COPB2: variants seen among roughly 807,000 people sequenced by gnomAD.
COPB2 encodes the protein coat protein complex I subunit beta 2.
COPB2 carries 16 observed loss-of-function variants against 120.8 expected under a neutral mutation model. That is an observed-to-expected ratio of 0.13 (90% CI 0.09 to 0.20). The LOEUF is 0.20. COPB2 is among the 10% of genes least tolerant of loss of function. The pLI is 1.00. For missense variants in COPB2, 794 were observed against 1,076.5 expected (o/e 0.74, Z 3.67); for synonymous variants, 332 against 366.3 (o/e 0.91, Z 1.07).
Position 139,368,259 on chromosome 3 carries a change from G to C in COPB2, c.1431C>G (p.Val477=), listed in dbSNP as rs750780564. The C allele has an allele frequency of 2.7e-5, 43 of 1,612,506 alleles. No individual in the cohort carries two copies. The Admixed American group carries it at 4.9e-4, about 18-fold the overall frequency. The change falls in exon 13 of 22, where the codon GTC becomes GTG. Residue 477 remains valine (V), a synonymous_variant. Coordinates refer to ENST00000333188, the MANE Select transcript of COPB2 (RefSeq NM_004766.3). ...AAAATGATTCCTCAGTAGCAATACA[G>C]ACTAGCTCTCCAGAGTCAGACCAGA... ...HIFWSDSGEL[V]CIATEESFFI...
intron 9 of COPB2, among the ~76,000 whole-genome samples, 186 bp downstream of exon 9, chr3:139,373,027 C>T (rs1039929327): frequency 4.6e-5 from 7 of 152,154 alleles, no homozygotes; most frequent in Non-Finnish European, 8.8e-5. Context: ...AAACATGCTC[C>T]ATCTTTTGTG....
Position 139,379,479 on chromosome 3 carries a change from A to G in COPB2, c.142-13T>C. On this transcript the variant is annotated splice_polypyrimidine_tract_variant and intron_variant, in intron 2 of 21. Transcript: ENST00000333188. Reference sequence around the variant, plus strand: ...TCTTCACCAGTGTCTTTAAAATGTAACAAGAATACACAAATTGAGCTATAA... The same window carrying G: ...TCTTCACCAGTGTCTTTAAAATGTAGCAAGAATACACAAATTGAGCTATAA... The G allele has an allele frequency of 1.3e-6, 2 of 1,599,868 alleles. No individual in the cohort carries two copies. The highest frequency in any genetic ancestry group is 1.7e-6 in the Non-Finnish European group (2 of 1,168,962).
chr3:139,384,097 T>A (rs1159379672), intron 1 of COPB2, among the ~76,000 whole-genome samples: 3 of 152,186 alleles, frequency 2.0e-5, no homozygotes, highest in Non-Finnish European at 4.4e-5. Flanking sequence ...TTCTTCGAAA[T>A]TCGAGAAGTG....
chr3:139,369,550 A>G lies in COPB2; in HGVS notation c.1206-6T>C, dbSNP rs1258348596. ...TGCTCTCTCTTATTGCATACCTGGG[A>G]GAAAAAAGGGAAGGCAAACATAACA... On this transcript the variant is annotated splice_region_variant and splice_polypyrimidine_tract_variant and intron_variant, in intron 10 of 21. Transcript: ENST00000333188. The G allele has an allele frequency of 1.3e-6, 2 of 1,568,818 alleles. No individual in the cohort carries two copies. The highest frequency in any genetic ancestry group is 1.2e-5 in the South Asian group (1 of 86,166).
At chr3:139,380,021 T>TTTTTTTTTTTC (rs1941782110) in intron 2 of COPB2, 1 of 112,476 alleles carries the variant, frequency 8.9e-6, no homozygotes, top group Admixed American at 8.7e-5. Context: ...TTTTTTTTTT[T>TTTTTTTTTTTC]TTTTTGAGAC....
intron 17 of COPB2, among the ~76,000 whole-genome samples, chr3:139,360,517 CAA>C (rs11439096): frequency 6.8e-5 from 6 of 88,380 alleles, no homozygotes; most frequent in Middle Eastern, 5.0e-3. Context: ...GATTCCATCT[CAA>C]AAAAAAAAAA....
rs754623890 is a variant in COPB2 at position 139,361,110 on chromosome 3, C to T, written c.2181G>A (p.Val727=). 7 of 1,614,164 alleles carry T rather than the reference C, an allele frequency of 4.3e-6. No homozygotes were observed. Among genetic ancestry groups the T allele is most frequent in the Non-Finnish European group, 4.2e-6 (5 of 1,180,028 alleles). ...CCTGTAAAAAGTAGCTCATGAATGCCACATTATTTTTGCCATCTCTCTCCG... is the reference window on the plus strand; with the variant it reads ...CCTGTAAAAAGTAGCTCATGAATGCTACATTATTTTTGCCATCTCTCTCCG... The part of the protein sequence containing the change: ...EGAERDGKNN[V]AFMSYFLQGK... Residue 727 remains valine (V), a synonymous_variant, in exon 17 of 22, where the codon GTG becomes GTA. Transcript: ENST00000333188.
At chr3:139,371,894 G>A (rs7373116) in intron 9 of COPB2, 61 bp from the exon 10 acceptor site, 582,915 of 1,221,612 alleles carry the variant, frequency 0.48, 151,455 homozygotes, top group Non-Finnish European at 0.54. Context: ...AGAAGTTAAG[G>A]AACAATAATT....
chr3:139,387,557 T>C (rs1193477087), intron 1 of COPB2, among the ~76,000 whole-genome samples: 1 of 152,222 alleles, frequency 6.6e-6, no homozygotes, highest in East Asian at 1.9e-4. Flanking sequence ...TCATTTTAAC[T>C]GTTCATGGTA....
intron 12 of COPB2, among the ~76,000 whole-genome samples, chr3:139,368,762 G>A (rs757106069): frequency 6.6e-6 from 1 of 152,130 alleles, no homozygotes; most frequent in Non-Finnish European, 1.5e-5. Context: ...TACACCCACT[G>A]AGGATGCGTG....
rs1397092697 is a variant in COPB2 at position 139,373,604 on chromosome 3, AC to A, written c.894+61del. 6.8e-6 allele frequency: 11 copies of A among 1,606,902 alleles called. No individual in the cohort carries two copies. The African/African-American group carries it at 1.3e-4, about 20-fold the overall frequency. The stretch of plus-strand genomic sequence containing the variant: ...AACTGGTTACTTGGAAGATGACAGT[AC>A]TAAAATACAAAGAAAATGGTTTTGC... On this transcript the variant is annotated intron_variant, in intron 8 of 21. Coordinates refer to ENST00000333188, the MANE Select transcript of COPB2 (RefSeq NM_004766.3).
chr3:139,383,183 T>C (rs753263217), intron 2 of COPB2, 115 bp downstream of exon 2: 1 of 1,216,606 alleles, frequency 8.2e-7, no homozygotes, highest in African/African-American at 1.5e-5. Context: ...TGTACCAACT[T>C]GAGAAAGCAG....
At chr3:139,366,985 T>C in intron 14 of COPB2, 30 bp downstream of exon 14, 3 of 1,590,454 alleles carry the variant, frequency 1.9e-6, no homozygotes, top group African/African-American at 1.4e-5. Context: ...CTTTAAAATT[T>C]AGGACAAATG....
chr3:139,364,590 C>T (rs1014178210), intron 15 of COPB2, among the ~76,000 whole-genome samples: 1 of 152,174 alleles, frequency 6.6e-6, no homozygotes, highest in African/African-American at 2.4e-5. Context: ...CTTAAAAATA[C>T]TAAAATGTCA....
chr3:139,368,332 G>C, intron 12 of COPB2, 44 bp from the exon 13 acceptor site: 1 of 1,582,704 alleles, frequency 6.3e-7, no homozygotes, highest in Non-Finnish European at 8.6e-7. Flanking sequence ...GGATTTCTGA[G>C]TGGATATGAC....
At chr3:139,377,163 G>A (rs1941728948) in intron 5 of COPB2, among the ~76,000 whole-genome samples, 1 of 152,202 alleles carries the variant, frequency 6.6e-6, no homozygotes, top group Non-Finnish European at 1.5e-5. Context: ...GAATGGCTGG[G>A]GAAAGGGAGT....
chr3:139,360,161 G>T (rs1941384471), intron 17 of COPB2, among the ~76,000 whole-genome samples: 1 of 148,836 alleles, frequency 6.7e-6, no homozygotes, highest in African/African-American at 2.5e-5. Flanking sequence ...TGGGGTGCAC[G>T]TTCAAAGTTA....
At position 139,359,263 on chromosome 3, in the gene COPB2, T is replaced by C. The variant is rs1941364176; in HGVS notation, c.2303+7A>G. On this transcript the variant is annotated splice_region_variant and intron_variant, in intron 18 of 21. Transcript: ENST00000333188. ...AAACATTTCTTCCTAAAATTAAAAG[T>C]CTGTACCTTGAAACCTGACTGGGTA... The C allele has an allele frequency of 1.9e-6, 3 of 1,613,910 alleles. No homozygotes were observed. Among genetic ancestry groups the C allele is most frequent in the East Asian group, 2.2e-5 (1 of 44,882 alleles).
chr3:139,369,575 A>G, intron 10 of COPB2, 31 bp from the exon 11 acceptor site: 2 of 1,335,124 alleles, frequency 1.5e-6, no homozygotes, highest in Non-Finnish European at 2.1e-6. Flanking sequence ...CAAACATAAC[A>G]TGTTATATAC....
Sources: gnomAD v4.1 joint callset for allele counts (sites outside exome capture counted in the v4.1 genomes callset) on GRCh38, gnomAD v4.1.1 for gene constraint, MANE v1.5 for transcripts, NCBI Gene and HGNC (gene_info 2026-07-23, HGNC 2026-07-21) for gene names.